TMOD1: variants seen among roughly 807,000 people sequenced by gnomAD.
TMOD1 encodes tropomodulin 1, also known as tropomodulin-1.
A neutral mutation model predicts 40.6 loss-of-function variants in TMOD1; 17 were observed. The ratio of observed to expected loss-of-function variants is 0.42; its 90% CI spans 0.29 to 0.63. The LOEUF (loss-of-function observed/expected upper bound fraction) is 0.63. TMOD1 is among the 20% of genes least tolerant of loss of function. The pLI, the probability that TMOD1 is intolerant of heterozygous loss-of-function variation, is 0.22. For synonymous variants in TMOD1, 181 were observed against 175.0 expected (o/e 1.03, Z -0.27); for missense variants, 391 against 447.6 (o/e 0.87, Z 1.14).
intron 7 of TMOD1, 129 bp downstream of exon 7, chr9:97,566,084 AC>A: frequency 1.4e-6 from 1 of 728,342 alleles, no homozygotes; most frequent in Non-Finnish European, 2.2e-6. Context: ...AAGGCATTGG[AC>A]CAGGAGCCAT....
chr9:97,532,179 CT>C (rs1343972387), intron 2 of TMOD1, among the ~76,000 whole-genome samples: 1 of 152,208 alleles, frequency 6.6e-6, no homozygotes, highest in Non-Finnish European at 1.5e-5. Context: ...TAAATCTCTC[CT>C]CTAAAAATAG....
At chr9:97,589,398 A>C (rs1472961161) in intron 8 of TMOD1, among the ~76,000 whole-genome samples, 2 of 146,264 alleles carry the variant, frequency 1.4e-5, no homozygotes, top group African/African-American at 5.0e-5. Context: ...CAGCCTCCCG[A>C]GTATCTGGGA....
chr9:97,596,910 A>G (rs971210064), intron 9 of TMOD1, among the ~76,000 whole-genome samples: 2 of 152,234 alleles, frequency 1.3e-5, no homozygotes, highest in Non-Finnish European at 2.9e-5. Context: ...GGCATCTCTA[A>G]TACTTCATAT....
Position 97,562,735 on chromosome 9 carries a change from T to C in TMOD1, c.401T>C (p.Ile134Thr). The change falls in exon 5 of 10, where the codon ATC becomes ACC. Residue 134 changes from isoleucine to threonine, a missense_variant. Physicochemically the swap from Ile to Thr is moderately conservative, Grantham distance 89. Coordinates refer to ENST00000259365, the MANE Select transcript of TMOD1 (RefSeq NM_003275.4). ...AGCCCTTCCCTTGTCCCTGCAGCGA[T>C]CCTGGGCATGCACACGCTCATGAGT... ...SDAELCDIAA[I>T]LGMHTLMSNQ... The C allele has an allele frequency of 6.4e-7, 1 of 1,551,556 alleles. No individual in the cohort carries two copies. Among genetic ancestry groups the C allele is most frequent in the Non-Finnish European group, 8.7e-7 (1 of 1,155,626 alleles).
At chr9:97,501,457 T>C (rs1458758076), upstream of TMOD1, among the ~76,000 whole-genome samples, 1 of 151,888 alleles carries the variant, frequency 6.6e-6, no homozygotes, top group Non-Finnish European at 1.5e-5. Flanking sequence ...GGGCCCGCGC[T>C]CGCTCGGCTG....
chr9:97,582,862 C>G (rs1465140447), intron 8 of TMOD1, among the ~76,000 whole-genome samples: 1 of 148,372 alleles, frequency 6.7e-6, no homozygotes, highest in African/African-American at 2.5e-5. Context: ...TATCCTGAGA[C>G]TTTGCTGAAG....
chr9:97,527,114 C>T (rs1010047600), intron 2 of TMOD1, among the ~76,000 whole-genome samples: 37 of 152,312 alleles, frequency 2.4e-4, no homozygotes, highest in Middle Eastern at 3.4e-3. Flanking sequence ...CGCATCATCT[C>T]TCCCCATTAG....
At chr9:97,566,039 A>C (rs749666568) in intron 7 of TMOD1, 84 bp downstream of exon 7, 32 of 1,201,704 alleles carry the variant, frequency 2.7e-5, no homozygotes, top group Admixed American at 7.4e-5. Context: ...GACTGGTTGT[A>C]TCCCACTAAC....
intron 1 of TMOD1, among the ~76,000 whole-genome samples, chr9:97,519,575 T>G (rs933887965): frequency 6.6e-6 from 1 of 152,140 alleles, no homozygotes; most frequent in African/African-American, 2.4e-5. Flanking sequence ...TCTCAGACTT[T>G]CAGTCCCTCC....
At chr9:97,516,285 C>A (rs1201358557) in intron 1 of TMOD1, 2 of 152,278 alleles carry the variant, frequency 1.3e-5, no homozygotes, top group African/African-American at 4.8e-5. Flanking sequence ...CCGGCTCAAT[C>A]TGGGAACACA....
Position 97,537,413 on chromosome 9 carries a change from C to G in TMOD1, c.121-8772C>G, listed in dbSNP as rs553705479. Among the ~76,000 whole-genome samples, 20 of 152,374 alleles carry G rather than the reference C, an allele frequency of 1.3e-4. No homozygotes were observed. The East Asian group carries it at 3.1e-3, about 23-fold the overall frequency. On this transcript the variant is annotated intron_variant, in intron 2 of 9. Transcript: ENST00000259365. Reference sequence around the variant, plus strand: ...CACAAGGTTCTAGGCAGGATGGCTTCTCACGTAGCCCTATCTATAGCAATG... The same window carrying G: ...CACAAGGTTCTAGGCAGGATGGCTTGTCACGTAGCCCTATCTATAGCAATG...
intron 8 of TMOD1, among the ~76,000 whole-genome samples, chr9:97,583,548 A>G (rs11496521): frequency 0.44 from 60,488 of 138,570 alleles, 12,079 homozygotes; most frequent in African/African-American, 0.55. Flanking sequence ...GTCTTTTTCT[A>G]TTGATTGGAA....
intron 2 of TMOD1, among the ~76,000 whole-genome samples, chr9:97,525,650 A>G: frequency 6.6e-6 from 1 of 152,242 alleles, no homozygotes; most frequent in East Asian, 1.9e-4. Flanking sequence ...GTAATACTAA[A>G]AAACGCCCTA....
At chr9:97,587,613 C>T (rs1361660799) in intron 8 of TMOD1, among the ~76,000 whole-genome samples, 7 of 151,956 alleles carry the variant, frequency 4.6e-5, no homozygotes, top group African/African-American at 1.7e-4. Flanking sequence ...ACGTACTTCA[C>T]ACACCACACA....
intron 9 of TMOD1, 116 bp from the exon 10 acceptor site, chr9:97,599,518 T>G (rs1826202752): frequency 7.7e-7 from 1 of 1,303,114 alleles, no homozygotes; most frequent in Admixed American, 1.9e-5. Flanking sequence ...ACAACAGACT[T>G]CAGACTCTGT....
At chr9:97,503,792 C>A (rs2131201129) in intron 1 of TMOD1, among the ~76,000 whole-genome samples, 1 of 152,344 alleles carries the variant, frequency 6.6e-6, no homozygotes, top group African/African-American at 2.4e-5. Context: ...TATCTGGCTC[C>A]AGCCCCAACT....
At chr9:97,571,629 C>T (rs117803380) in intron 8 of TMOD1, among the ~76,000 whole-genome samples, 2,078 of 152,322 alleles carry the variant, frequency 0.014, 93 homozygotes, top group East Asian at 0.12. Context: ...CAACCCATCC[C>T]TGTATCACAG....
At chr9:97,541,211 G>C (rs1446770953) in intron 2 of TMOD1, among the ~76,000 whole-genome samples, 1 of 151,326 alleles carries the variant, frequency 6.6e-6, no homozygotes, top group Non-Finnish European at 1.5e-5. Flanking sequence ...TTATTTTTTT[G>C]AGATGGAGCT....
At chr9:97,527,986 G>A (rs1289025906) in intron 2 of TMOD1, among the ~76,000 whole-genome samples, 1 of 152,198 alleles carries the variant, frequency 6.6e-6, no homozygotes, top group Non-Finnish European at 1.5e-5. Flanking sequence ...GAGTGGAGGG[G>A]GACAGATGGA....
Sources: gnomAD v4.1 joint callset for allele counts (sites outside exome capture counted in the v4.1 genomes callset) on GRCh38, gnomAD v4.1.1 for gene constraint, MANE v1.5 for transcripts, NCBI Gene and HGNC (gene_info 2026-07-23, HGNC 2026-07-21) for gene names.